EPM2A: variants seen among roughly 807,000 people sequenced by gnomAD.
EPM2A encodes the protein laforin.
EPM2A carries 21 observed loss-of-function variants against 26.5 expected under a neutral mutation model. The ratio of observed to expected loss-of-function variants is 0.79; its 90% CI spans 0.56 to 1.14. EPM2A has a LOEUF of 1.14. EPM2A is among the 50% of genes most tolerant of loss of function. The probability of loss-of-function intolerance (pLI) is 0.00; values close to 1 mark genes in which losing one functional copy is unlikely to be tolerated. For missense variants in EPM2A, 458 were observed against 440.8 expected (o/e 1.04, Z -0.35); for synonymous variants, 217 against 177.6 (o/e 1.22, Z -1.76).
rs538620115 is a variant in EPM2A at position 145,525,641 on chromosome 6, A to G, written c.341-23066T>C. On this transcript the variant is annotated intron_variant, in intron 2 of 3. Coordinates refer to the EPM2A transcript ENST00000450221. The stretch of plus-strand genomic sequence containing the variant: ...AAATGCTACTGATTTGTGTACATTG[A>G]TTTTGTTTCTTAAAACTTTACTATA... Among the ~76,000 whole-genome samples, 17 of 152,176 alleles carry G rather than the reference A, an allele frequency of 1.1e-4. No individual in the cohort carries two copies. The South Asian group carries it at 3.1e-3, about 28-fold the overall frequency.
chr6:145,530,731 C>T (rs1484722355), intron 2 of EPM2A, among the ~76,000 whole-genome samples: 2 of 152,138 alleles, frequency 1.3e-5, no homozygotes, highest in Non-Finnish European at 2.9e-5. Context: ...ACCTGGGAGG[C>T]AGAAATTTAC....
Position 145,683,300 on chromosome 6 carries a change from TGTGTGTGA to T in EPM2A, c.476+2814_476+2821del, listed in dbSNP as rs1238543200. Among the ~76,000 whole-genome samples the T allele has an allele frequency of 5.1e-4, 76 of 149,326 alleles. 1 individual carries two copies. The highest frequency in any genetic ancestry group is 8.0e-4 in the Admixed American group (12 of 14,938). The stretch of plus-strand genomic sequence containing the variant: ...GTGTGTGTGTGTGTGTGTGTGTGTG[TGTGTGTGA>T]GTGTGTATATATTAGATTATATATT... On this transcript the variant is annotated intron_variant, in intron 2 of 3. Transcript: ENST00000367519.
intron 4 of EPM2A, among the ~76,000 whole-genome samples, chr6:145,427,332 G>C (rs1423798606): frequency 6.6e-6 from 1 of 152,160 alleles, no homozygotes; most frequent in Non-Finnish European, 1.5e-5. Flanking sequence ...AAAGGAGTAA[G>C]TCTTGTGGAT....
intron 2 of EPM2A, among the ~76,000 whole-genome samples, chr6:145,548,126 C>T (rs924185979): frequency 6.6e-6 from 1 of 152,084 alleles, no homozygotes; most frequent in Non-Finnish European, 1.5e-5. Context: ...AAATCATGCT[C>T]TTTATTTCTG....
chr6:145,423,879 A>G (rs573663742), intron 4 of EPM2A, among the ~76,000 whole-genome samples: 136 of 152,288 alleles, frequency 8.9e-4, no homozygotes, highest in Non-Finnish European at 1.5e-3. Flanking sequence ...AGGCATTAGT[A>G]TTACTTAGGA....
rs1260232256 is a variant in EPM2A, at chr6:145,625,661, C to CT, written c.*1754dup. The CT allele has an allele frequency of 2.7e-6, 2 of 737,652 alleles. No individual in the cohort carries two copies. Among genetic ancestry groups the CT allele is most frequent in the Admixed American group, 3.8e-5 (2 of 52,176 alleles). 45.7% of individuals were successfully genotyped at this position (737,652 alleles called of 1,614,324 possible). A position where few individuals can be genotyped will look rare whatever the true frequency, so the allele number is the denominator to read the frequency against. On this transcript the variant is annotated 3_prime_UTR_variant, in exon 4 of 4. Coordinates refer to ENST00000367519, the MANE Select transcript of EPM2A (RefSeq NM_005670.4). ...AGCAAGGGAGCTGGACTTCACTTTA[C>CT]TTAATGCTAGCTTATAAATTTAACT...
At chr6:145,463,554 C>T (rs903227161) in intron 4 of EPM2A, among the ~76,000 whole-genome samples, 1 of 149,242 alleles carries the variant, frequency 6.7e-6, no homozygotes, top group Non-Finnish European at 1.5e-5. Flanking sequence ...TCACAATTTA[C>T]TTTTTCCACT....
chr6:145,710,118 G>T (rs1444122714), intron 1 of EPM2A, among the ~76,000 whole-genome samples: 1 of 151,922 alleles, frequency 6.6e-6, no homozygotes, highest in Non-Finnish European at 1.5e-5. Flanking sequence ...TTGACAAATG[G>T]GATCTAATTA....
intron 1 of EPM2A, among the ~76,000 whole-genome samples, chr6:145,732,008 T>A (rs965469631): frequency 6.6e-6 from 1 of 152,092 alleles, no homozygotes; most frequent in Admixed American, 6.5e-5. Context: ...ATCAATCAAG[T>A]GGGAAAGCCA....
intron 2 of EPM2A, among the ~76,000 whole-genome samples, chr6:145,594,576 T>A (rs941299502): frequency 6.6e-5 from 10 of 151,878 alleles, no homozygotes; most frequent in African/African-American, 2.4e-4. Context: ...GCAAATTTAA[T>A]GCAATAATAT....
At chr6:145,543,061 C>G (rs986140669) in intron 2 of EPM2A, among the ~76,000 whole-genome samples, 10 of 152,152 alleles carry the variant, frequency 6.6e-5, no homozygotes, top group African/African-American at 2.2e-4. Flanking sequence ...CCACTGCACA[C>G]AGCCAGCTTC....
chr6:145,558,374 G>C (rs1260654479), intron 2 of EPM2A, among the ~76,000 whole-genome samples: 1 of 152,050 alleles, frequency 6.6e-6, no homozygotes, highest in African/African-American at 2.4e-5. Flanking sequence ...CAGGTATTGA[G>C]AATAATGCTG....
At chr6:145,405,593 A>G (rs1778556739) in intron 4 of EPM2A, among the ~76,000 whole-genome samples, 1 of 152,170 alleles carries the variant, frequency 6.6e-6, no homozygotes, top group South Asian at 2.1e-4. Flanking sequence ...AATTTTAAAA[A>G]ATAAAGCAGC....
chr6:145,409,945 A>G (rs1778621770), intron 4 of EPM2A, among the ~76,000 whole-genome samples: 1 of 152,176 alleles, frequency 6.6e-6, no homozygotes. Flanking sequence ...CAAGTGAGAG[A>G]CCAAGGTGAC....
At chr6:145,666,810 A>G (rs1465726816) in intron 2 of EPM2A, among the ~76,000 whole-genome samples, 1 of 151,100 alleles carries the variant, frequency 6.6e-6, no homozygotes. Context: ...TGGTACCAAA[A>G]CAGAGTTATA....
intron 4 of EPM2A, among the ~76,000 whole-genome samples, chr6:145,402,532 T>C (rs926019677): frequency 5.3e-5 from 8 of 152,168 alleles, no homozygotes; most frequent in Admixed American, 4.6e-4. Flanking sequence ...AGTGATGTAG[T>C]ACCAATATTA....
intron 2 of EPM2A, among the ~76,000 whole-genome samples, chr6:145,612,901 G>A (rs1407692041): frequency 1.3e-5 from 2 of 151,998 alleles, no homozygotes. Flanking sequence ...GGTGGCAGCT[G>A]CTGACTGATC....
At chr6:145,701,310 C>A (rs993339416) in intron 1 of EPM2A, among the ~76,000 whole-genome samples, 9 of 152,130 alleles carry the variant, frequency 5.9e-5, no homozygotes, top group Non-Finnish European at 1.0e-4. Flanking sequence ...AGGTGAGAAG[C>A]CAGGTAGCCC....
intron 4 of EPM2A, among the ~76,000 whole-genome samples, chr6:145,495,190 T>C (rs1167283321): frequency 1.3e-5 from 2 of 152,212 alleles, no homozygotes; most frequent in African/African-American, 2.4e-5. Context: ...CATATATGTT[T>C]AGGATAGTTA....
Sources: gnomAD v4.1 joint callset for allele counts (sites outside exome capture counted in the v4.1 genomes callset) on GRCh38, gnomAD v4.1.1 for gene constraint, MANE v1.5 for transcripts, NCBI Gene and HGNC (gene_info 2026-07-23, HGNC 2026-07-21) for gene names.